The following GTF2IRD1 variants were observed in gnomAD, a reference collection of about 807,000 sequenced individuals.
GTF2IRD1 encodes general transcription factor II-I repeat domain-containing protein 1.
A neutral mutation model predicts 113.2 loss-of-function variants in GTF2IRD1; 26 were observed. That is an observed-to-expected ratio of 0.23 (90% CI 0.17 to 0.32). GTF2IRD1 has a LOEUF of 0.32. Among genes scored for constraint, GTF2IRD1 ranks in the 10% least tolerant of loss-of-function variants. The pLI, the probability that GTF2IRD1 is intolerant of heterozygous loss-of-function variation, is 1.00. For synonymous variants in GTF2IRD1, 484 were observed against 529.1 expected (o/e 0.91, Z 1.17); for missense variants, 864 against 1,280.8 (o/e 0.67, Z 4.97).
chr7:74,525,050 A>G (rs1274198102), intron 8 of GTF2IRD1, among the ~76,000 whole-genome samples: 3 of 152,008 alleles, frequency 2.0e-5, no homozygotes, highest in Non-Finnish European at 4.4e-5. Flanking sequence ...AAAAAAACAA[A>G]CAAAACAGAT....
chr7:74,459,943 C>T (rs1255779286), intron 1 of GTF2IRD1, among the ~76,000 whole-genome samples: 2 of 149,134 alleles, frequency 1.3e-5, no homozygotes, highest in Non-Finnish European at 3.0e-5. Flanking sequence ...GAGTTTGAAT[C>T]GAGTGGAGCT....
chr7:74,508,760 C>T (rs1251676475), intron 2 of GTF2IRD1, among the ~76,000 whole-genome samples: 1 of 151,802 alleles, frequency 6.6e-6, no homozygotes, highest in Admixed American at 6.6e-5. Flanking sequence ...CTTGTCCCTT[C>T]ACCCCTCTTG....
At chr7:74,593,626 G>A (rs1279167779) in intron 24 of GTF2IRD1, among the ~76,000 whole-genome samples, 19 of 151,232 alleles carry the variant, frequency 1.3e-4, no homozygotes, top group African/African-American at 4.4e-4. Flanking sequence ...CCAGCTACTC[G>A]AGAGGCTGAG....
In GTF2IRD1 at chr7:74,527,710, C is replaced by T. The variant is rs587666110; in HGVS notation, c.1091-2024C>T. Reference sequence around the variant, plus strand: ...TACAAAAATTAGCTGGGCGTGGTGGCACACGCCTGTAATCCCAGCTACTCG... The same window carrying T: ...TACAAAAATTAGCTGGGCGTGGTGGTACACGCCTGTAATCCCAGCTACTCG... On this transcript the variant is annotated intron_variant, in intron 8 of 26. Coordinates refer to ENST00000424337, the MANE Select transcript of GTF2IRD1 (RefSeq NM_005685.4). Among the ~76,000 whole-genome samples the T allele has an allele frequency of 2.0e-5, 3 of 152,144 alleles. No homozygotes were observed. The South Asian group carries it at 6.2e-4, about 32-fold the overall frequency.
chr7:74,465,302 A>G (rs1257562742), intron 1 of GTF2IRD1, among the ~76,000 whole-genome samples: 2 of 152,028 alleles, frequency 1.3e-5, no homozygotes, highest in Non-Finnish European at 2.9e-5. Flanking sequence ...TCCCTGAGAT[A>G]TTCTCTTCTC....
intron 24 of GTF2IRD1, among the ~76,000 whole-genome samples, 197 bp from the exon 25 acceptor site, chr7:74,594,817 T>C (rs1221287382): frequency 6.6e-6 from 1 of 151,730 alleles, no homozygotes; most frequent in Non-Finnish European, 1.5e-5. Context: ...CCGGGCATGG[T>C]GGCGGGCGCC....
intron 1 of GTF2IRD1, among the ~76,000 whole-genome samples, chr7:74,486,179 CA>C (rs1795015248): frequency 6.6e-6 from 1 of 152,092 alleles, no homozygotes; most frequent in African/African-American, 2.4e-5. Flanking sequence ...CCATGTTGGC[CA>C]GGCTGGTCTC....
intron 22 of GTF2IRD1, among the ~76,000 whole-genome samples, chr7:74,563,250 G>A (rs1800088374): frequency 6.6e-6 from 1 of 152,094 alleles, no homozygotes; most frequent in African/African-American, 2.4e-5. Flanking sequence ...GGAGGGTGAG[G>A]CTTCGGGAAC....
At chr7:74,590,569 T>C (rs1320193763) in intron 23 of GTF2IRD1, among the ~76,000 whole-genome samples, 3 of 151,850 alleles carry the variant, frequency 2.0e-5, no homozygotes, top group Non-Finnish European at 4.4e-5. Context: ...TTTTGTATTT[T>C]TTTAGTAGAG....
chr7:74,567,404 G>A (rs73702620), intron 22 of GTF2IRD1, among the ~76,000 whole-genome samples: 26,546 of 152,036 alleles, frequency 0.17, 2,398 homozygotes, highest in Middle Eastern at 0.28. Context: ...TTACTGAAGG[G>A]GGTGATTGGT....
chr7:74,577,801 C>T (rs1188003657), intron 22 of GTF2IRD1, among the ~76,000 whole-genome samples: 5 of 152,090 alleles, frequency 3.3e-5, no homozygotes, highest in Non-Finnish European at 5.9e-5. Flanking sequence ...TACAAGCACA[C>T]GTGCTACCAT....
chr7:74,537,603 A>G (rs1798376010), intron 11 of GTF2IRD1, among the ~76,000 whole-genome samples: 1 of 152,030 alleles, frequency 6.6e-6, no homozygotes, highest in African/African-American at 2.4e-5. Flanking sequence ...ACACCCCCCA[A>G]GCACATTCTG....
At chr7:74,554,951 A>G (rs587630142) in intron 17 of GTF2IRD1, among the ~76,000 whole-genome samples, 3 of 152,212 alleles carry the variant, frequency 2.0e-5, no homozygotes, top group African/African-American at 7.2e-5. Context: ...TATCAGATGG[A>G]CCTGTTCAGG....
intron 20 of GTF2IRD1, 115 bp from the exon 21 acceptor site, chr7:74,558,746 G>A (rs7785902): frequency 1.1e-5 from 8 of 717,032 alleles, no homozygotes; most frequent in East Asian, 2.7e-5. Flanking sequence ...GAGCTTTCTC[G>A]TACCATTCAC....
At chr7:74,554,461 T>A (rs587644120) in intron 17 of GTF2IRD1, among the ~76,000 whole-genome samples, 2 of 152,320 alleles carry the variant, frequency 1.3e-5, no homozygotes, top group South Asian at 2.1e-4. Context: ...ACACAGCAGC[T>A]CTCAGACGTG....
intron 1 of GTF2IRD1, among the ~76,000 whole-genome samples, chr7:74,475,868 G>A (rs1194932000): frequency 1.3e-5 from 2 of 152,284 alleles, no homozygotes; most frequent in African/African-American, 4.8e-5. Context: ...TGGACTCTGC[G>A]GCCTGATCCT....
chr7:74,461,091 G>C (rs1793335070), intron 1 of GTF2IRD1, among the ~76,000 whole-genome samples: 1 of 152,228 alleles, frequency 6.6e-6, no homozygotes. Context: ...CTGGGTCCCA[G>C]TGTGGTGCTG....
At position 74,549,884 on chromosome 7, in the gene GTF2IRD1, A is replaced by T. The variant is rs1364809253; in HGVS notation, c.1916+2598A>T. 2.6e-5 allele frequency among the ~76,000 whole-genome samples: 4 copies of T among 152,100 alleles called. No homozygotes were observed. The East Asian group carries it at 7.7e-4, about 29-fold the overall frequency. On this transcript the variant is annotated intron_variant, in intron 17 of 26. Transcript: ENST00000424337. ...AACCCCATCTCTACTAAAAAATACA[A>T]AATTAGCCGGGCGTGGTAGCAGGTG...
intron 1 of GTF2IRD1, among the ~76,000 whole-genome samples, chr7:74,494,943 G>A (rs1403855601): frequency 6.6e-6 from 1 of 152,042 alleles, no homozygotes; most frequent in African/African-American, 2.4e-5. Flanking sequence ...TGTAGAGATG[G>A]GGGGTCTCAC....
Sources: allele counts gnomAD v4.1 joint callset (sites outside exome capture counted in the v4.1 genomes callset), GRCh38; gene constraint gnomAD v4.1.1; transcripts MANE v1.5; gene names NCBI Gene and HGNC (gene_info 2026-07-23, HGNC 2026-07-21).